The following EHBP1 variants were observed in gnomAD, a reference collection of about 807,000 sequenced individuals.
EHBP1 encodes EH domain binding protein 1.
A neutral mutation model predicts 144.0 loss-of-function variants in EHBP1; 55 were observed. The ratio of observed to expected loss-of-function variants is 0.38; its 90% confidence interval spans 0.31 to 0.48. The LOEUF (loss-of-function observed/expected upper bound fraction) is 0.48. Among genes scored for constraint, EHBP1 ranks in the 20% least tolerant of loss-of-function variants. The pLI is 0.98. For synonymous variants in EHBP1, 469 were observed against 472.7 expected, an observed-to-expected ratio of 0.99 and a Z score of 0.10; for missense variants, 1,200 against 1,364.2, an observed-to-expected ratio of 0.88 and a Z score of 1.90.
At chr2:63,040,909 T>C (rs1201807954) in intron 21 of EHBP1, among the ~76,000 whole-genome samples, 5 of 152,202 alleles carry the variant, frequency 3.3e-5, no homozygotes, top group Non-Finnish European at 7.3e-5. Context: ...TTTTAAGTGT[T>C]AACACACCAC....
chr2:62,675,408 T>C (rs1328886315), intron 1 of EHBP1, among the ~76,000 whole-genome samples: 1 of 152,192 alleles, frequency 6.6e-6, no homozygotes, highest in Non-Finnish European at 1.5e-5. Context: ...TGAGGTACTC[T>C]AGAAAGTCCT....
At chr2:62,683,718 A>C (rs931120874) in intron 1 of EHBP1, among the ~76,000 whole-genome samples, 1 of 151,822 alleles carries the variant, frequency 6.6e-6, no homozygotes, top group Admixed American at 6.6e-5. Context: ...AACTACACAG[A>C]AAGTGGAAAA....
At chr2:62,810,610 G>C (rs2044913625) in intron 5 of EHBP1, among the ~76,000 whole-genome samples, 1 of 152,232 alleles carries the variant, frequency 6.6e-6, no homozygotes, top group African/African-American at 2.4e-5. Flanking sequence ...GCACTTGGGT[G>C]CTTAGATCGG....
intron 5 of EHBP1, among the ~76,000 whole-genome samples, chr2:62,780,302 T>C (rs553164706): frequency 2.6e-5 from 4 of 152,286 alleles, no homozygotes; most frequent in African/African-American, 9.6e-5. Context: ...GCTTTTTTAG[T>C]CTTTTAATTA....
At chr2:62,760,169 A>T (rs2040652972) in intron 3 of EHBP1, among the ~76,000 whole-genome samples, 1 of 152,208 alleles carries the variant, frequency 6.6e-6, no homozygotes, top group African/African-American at 2.4e-5. Context: ...TCTGCATGTA[A>T]GTGGAACTGT....
chr2:62,705,618 C>T (rs1208700078), upstream of EHBP1: 1 of 152,254 alleles, frequency 6.6e-6, no homozygotes, highest in Non-Finnish European at 1.5e-5. Context: ...GTGCCCCAGC[C>T]GCTGTAAGAC....
intron 5 of EHBP1, among the ~76,000 whole-genome samples, chr2:62,815,306 C>T (rs1177161052): frequency 6.6e-6 from 1 of 152,176 alleles, no homozygotes; most frequent in Non-Finnish European, 1.5e-5. Context: ...TCTGCCACTT[C>T]TATTCTTAGC....
At chr2:62,989,401 A>G (rs573881976) in intron 15 of EHBP1, among the ~76,000 whole-genome samples, 2 of 152,130 alleles carry the variant, frequency 1.3e-5, no homozygotes, top group Non-Finnish European at 2.9e-5. Flanking sequence ...TCCTGATTCT[A>G]CAGTAGGTTA....
upstream of EHBP1, among the ~76,000 whole-genome samples, chr2:62,701,656 A>T (rs903084531): frequency 9.2e-5 from 14 of 152,236 alleles, no homozygotes; most frequent in Admixed American, 3.9e-4. Context: ...CCATAGCAAG[A>T]AAGGAAATAT....
chr2:62,680,594 C>T (rs1379365357), intron 1 of EHBP1, among the ~76,000 whole-genome samples: 2 of 152,112 alleles, frequency 1.3e-5, no homozygotes, highest in Admixed American at 6.6e-5. Flanking sequence ...TTGCATAAAA[C>T]AGGAGGGAGG....
At chr2:62,821,849 T>G (rs1230157803) in intron 5 of EHBP1, among the ~76,000 whole-genome samples, 1 of 152,176 alleles carries the variant, frequency 6.6e-6, no homozygotes, top group Non-Finnish European at 1.5e-5. Flanking sequence ...ATTTTTTATT[T>G]TTGTGGATAC....
At chr2:62,951,510 A>G (rs1441843102) in intron 13 of EHBP1, among the ~76,000 whole-genome samples, 1 of 137,348 alleles carries the variant, frequency 7.3e-6, no homozygotes, top group Non-Finnish European at 1.6e-5. Context: ...CATATTCAAT[A>G]CAAATTTTTC....
At chr2:62,680,029 G>T (rs996413072) in intron 1 of EHBP1, among the ~76,000 whole-genome samples, 1 of 152,246 alleles carries the variant, frequency 6.6e-6, no homozygotes, top group East Asian at 1.9e-4. Flanking sequence ...TCTCCCAAAT[G>T]TGAGGGATTT....
chr2:62,985,565 T>A (rs2059153759), intron 15 of EHBP1, among the ~76,000 whole-genome samples: 1 of 152,128 alleles, frequency 6.6e-6, no homozygotes, highest in Non-Finnish European at 1.5e-5. Flanking sequence ...ATTCTGTCCT[T>A]CAAGACTCTC....
At chr2:62,740,832 C>T (rs1558585204) in intron 2 of EHBP1, among the ~76,000 whole-genome samples, 1 of 151,940 alleles carries the variant, frequency 6.6e-6, no homozygotes, top group African/African-American at 2.4e-5. Context: ...TAGTGATTTC[C>T]TACAAATGAA....
intron 5 of EHBP1, among the ~76,000 whole-genome samples, chr2:62,822,721 G>C (rs1157530860): frequency 6.6e-6 from 1 of 152,070 alleles, no homozygotes; most frequent in African/African-American, 2.4e-5. Context: ...ATCAACACTT[G>C]GTAATGTTCA....
intron 2 of EHBP1, among the ~76,000 whole-genome samples, chr2:62,733,253 C>T (rs1156643184): frequency 6.6e-6 from 1 of 152,168 alleles, no homozygotes; most frequent in Non-Finnish European, 1.5e-5. Flanking sequence ...GAGTTGGGCT[C>T]TGTTTACTGT....
intron 2 of EHBP1, 63 bp from the exon 3 acceptor site, chr2:62,747,332 G>C: frequency 6.7e-7 from 1 of 1,499,200 alleles, no homozygotes; most frequent in Non-Finnish European, 9.2e-7. Flanking sequence ...CCTTTTAAAG[G>C]CGCTAAAATG....
At chr2:62,943,516 T>G (rs988266988) in intron 11 of EHBP1, among the ~76,000 whole-genome samples, 1 of 152,182 alleles carries the variant, frequency 6.6e-6, no homozygotes, top group South Asian at 2.1e-4. Context: ...AACAAGGGAT[T>G]ACCTCATACT....
Sources: gnomAD v4.1 joint callset for allele counts (sites outside exome capture counted in the v4.1 genomes callset) on GRCh38, gnomAD v4.1.1 for gene constraint, MANE v1.5 for transcripts, NCBI Gene and HGNC (gene_info 2026-07-23, HGNC 2026-07-21) for gene names.